SSBP1: variants seen among roughly 807,000 people sequenced by gnomAD.
SSBP1 encodes the protein single stranded DNA binding protein 1.
In SSBP1, 20 loss-of-function variants were observed where a neutral mutation model predicts 27.0. The observed-to-expected ratio is 0.74, with a 90% CI of 0.52 to 1.08. The LOEUF is 1.08. Ranked by LOEUF, SSBP1 falls within the 50% of genes least tolerant of loss-of-function variation. The pLI is 0.00. For synonymous variants in SSBP1, 59 were observed against 59.3 expected, an observed-to-expected ratio of 1.00 and a Z score of 0.02; for missense variants, 137 against 182.4, an observed-to-expected ratio of 0.75 and a Z score of 1.44.
intron 2 of SSBP1, chr7:141,741,374 G>A (rs1328619640): frequency 6.6e-6 from 1 of 152,232 alleles, no homozygotes; most frequent in African/African-American, 2.4e-5. Flanking sequence ...GTGCAGCCAG[G>A]TTCCTAACAG....
intron 2 of SSBP1, among the ~76,000 whole-genome samples, chr7:141,741,964 C>T (rs1338214372): frequency 6.6e-6 from 1 of 152,180 alleles, no homozygotes; most frequent in East Asian, 1.9e-4. Context: ...TTCCTTCTAC[C>T]TTTGGGCTTC....
chr7:141,743,737 C>T, intron 4 of SSBP1, 36 bp downstream of exon 4: 1 of 1,600,736 alleles, frequency 6.2e-7, no homozygotes, highest in Non-Finnish European at 8.5e-7. Flanking sequence ...ATTTTATCAG[C>T]AATAAATAGA....
chr7:141,750,162 G>T, intron 6 of SSBP1, 149 bp from the exon 7 acceptor site: 1 of 640,880 alleles, frequency 1.6e-6, no homozygotes, highest in South Asian at 1.9e-5. Context: ...TATACCTCTC[G>T]TGAGCATAGC....
rs757626917 is a variant in SSBP1 at position 141,743,989 on chromosome 7, G to A, written c.314G>A (p.Gly105Glu). Residue 105 changes from glycine to glutamate, a missense_variant and splice_region_variant, in exon 5 of 7, where the codon GGG becomes GAG. Gly to Glu is a moderately conservative substitution (Grantham distance 98). Around this residue, in one of 2 missense-constraint regions of SSBP1, gnomAD observed 95 missense variants for 152.0 expected, o/e 0.62. Transcript: ENST00000265304. ...RDVAYQYVKKGSRIYLEGKID... is the reference protein window; with the variant it reads ...RDVAYQYVKKESRIYLEGKID... ...GTGGCATATCAATATGTGAAAAAGG[G>A]GTAAGTTGAAGAGGGAAGGATCTTA... 6.2e-7 allele frequency: 1 copy of A among 1,611,572 alleles called. No homozygotes were observed. Among genetic ancestry groups the A allele is most frequent in the Non-Finnish European group, 8.5e-7 (1 of 1,179,350 alleles).
intron 6 of SSBP1, among the ~76,000 whole-genome samples, 199 bp from the exon 7 acceptor site, chr7:141,750,112 C>T (rs1037914792): frequency 6.6e-6 from 1 of 152,194 alleles, no homozygotes; most frequent in African/African-American, 2.4e-5. Flanking sequence ...CGAAAAGCAG[C>T]CAGTGCCTAA....
intron 6 of SSBP1, chr7:141,745,788 T>TA (rs370370359): frequency 6.1e-6 from 8 of 1,311,748 alleles, no homozygotes; most frequent in Non-Finnish European, 7.8e-6. Context: ...TTTTTATACT[T>TA]ACAGTTTTAG....
rs773376873 is a variant in SSBP1 at position 141,743,639 on chromosome 7, C to T, written c.164C>T (p.Thr55Ile). 1 of 1,614,134 alleles carries T rather than the reference C, an allele frequency of 6.2e-7. No homozygotes were observed. The highest frequency in any genetic ancestry group is 1.1e-5 in the South Asian group (1 of 91,080). Residue 55 changes from threonine (T) to isoleucine (I), a missense_variant, in exon 4 of 7, where the codon ACA (threonine) becomes ATA (isoleucine). Physicochemically the swap from Thr to Ile is moderately conservative, Grantham distance 89. This residue lies in a region of SSBP1 where 95 missense variants were observed against 152.0 expected (regional missense o/e 0.62). Transcript: ENST00000265304. ...LRQVEGKNPV[T>I]IFSLATNEMW... Reference sequence around the variant, plus strand: ...CAGGTGGAAGGAAAAAATCCAGTCACAATATTTTCTCTAGCAACTAATGAG... The same window carrying T: ...CAGGTGGAAGGAAAAAATCCAGTCATAATATTTTCTCTAGCAACTAATGAG...
chr7:141,745,474 C>T (rs1741723620), intron 5 of SSBP1, 22 bp from the exon 6 acceptor site: 1 of 1,572,994 alleles, frequency 6.4e-7, no homozygotes, highest in Admixed American at 1.8e-5. Context: ...CAACTAAAAA[C>T]TGTACATTTT....
At chr7:141,743,088 T>G (rs374678160) in intron 3 of SSBP1, among the ~76,000 whole-genome samples, 1 of 152,184 alleles carries the variant, frequency 6.6e-6, no homozygotes, top group Non-Finnish European at 1.5e-5. Flanking sequence ...CTCCTGACCT[T>G]GTGATCCGCC....
intron 1 of SSBP1, 22 bp from the exon 2 acceptor site, chr7:141,739,102 T>A: frequency 2.8e-6 from 4 of 1,453,916 alleles, no homozygotes; most frequent in South Asian, 1.3e-5. Context: ...TGTTTTTTTC[T>A]TATTTTGTTT....
chr7:141,742,066 C>A, intron 2 of SSBP1, 103 bp from the exon 3 acceptor site: 1 of 851,186 alleles, frequency 1.2e-6, no homozygotes. Flanking sequence ...CTGGAATTTT[C>A]AGGAACTACT....
intron 2 of SSBP1, 68 bp from the exon 3 acceptor site, chr7:141,742,101 T>A: frequency 8.5e-7 from 1 of 1,179,360 alleles, no homozygotes; most frequent in Non-Finnish European, 1.3e-6. Flanking sequence ...TGAACGTGAG[T>A]AATTCTTCTG....
chr7:141,743,009 C>A (rs1799608928), intron 3 of SSBP1, among the ~76,000 whole-genome samples: 1 of 152,230 alleles, frequency 6.6e-6, no homozygotes, highest in African/African-American at 2.4e-5. Context: ...CGCCCGCCAC[C>A]ACGCCCAGCT....
intron 3 of SSBP1, 59 bp from the exon 4 acceptor site, chr7:141,743,502 G>A: frequency 4.4e-6 from 7 of 1,581,516 alleles, no homozygotes; most frequent in Non-Finnish European, 5.2e-6. Context: ...TTGGGGGAAG[G>A]GGCACAACTA....
chr7:141,747,383 A>ATTTTTTTTTTTTTTTTTTTTTTTTTTTT, intron 6 of SSBP1, among the ~76,000 whole-genome samples: 1 of 94,466 alleles, frequency 1.1e-5, no homozygotes, highest in Non-Finnish European at 2.0e-5. Flanking sequence ...CCCAAATTAG[A>ATTTTTTTTTTTTTTTTTTTTTTTTTTTT]TTTTTTTTTT....
At chr7:141,741,820 A>G (rs1799545000) in intron 2 of SSBP1, 2 of 1,013,252 alleles carry the variant, frequency 2.0e-6, no homozygotes, top group Non-Finnish European at 2.4e-6. Flanking sequence ...AAATATTATC[A>G]TACTCTGTAA....
intron 6 of SSBP1, among the ~76,000 whole-genome samples, chr7:141,747,002 A>G (rs1233225856): frequency 2.0e-5 from 3 of 152,124 alleles, no homozygotes; most frequent in Non-Finnish European, 4.4e-5. Context: ...TTAATAGTAT[A>G]TGGTATAGTT....
chr7:141,747,568 G>A (rs62486740), intron 6 of SSBP1, among the ~76,000 whole-genome samples: 68,623 of 150,750 alleles, frequency 0.46, 16,255 homozygotes, highest in East Asian at 0.75. Context: ...TTTTGTATTT[G>A]TAGTAGAGAT....
rs577364650 is a variant in SSBP1 at position 141,750,138 on chromosome 7, A to G, written c.404-173A>G. 1.4e-3 allele frequency among the ~76,000 whole-genome samples: 210 copies of G among 152,344 alleles called. 2 individuals carry two copies. Among genetic ancestry groups the G allele is most frequent in the Non-Finnish European group, 2.5e-3 (167 of 68,038 alleles). On this transcript the variant is annotated intron_variant, in intron 6 of 6. Coordinates refer to ENST00000265304, the MANE Select transcript of SSBP1 (RefSeq NM_003143.3). Reference sequence around the variant, plus strand: ...CAGTGCCTAACTTGTAGCTCCACTTATGCCAACTGTATATATACCTCTCGT... The same window carrying G: ...CAGTGCCTAACTTGTAGCTCCACTTGTGCCAACTGTATATATACCTCTCGT...
Sources: allele counts gnomAD v4.1 joint callset (sites outside exome capture counted in the v4.1 genomes callset), GRCh38; gene constraint gnomAD v4.1.1; regional missense constraint gnomAD v4.1.1; transcripts MANE v1.5; gene names NCBI Gene and HGNC (gene_info 2026-07-23, HGNC 2026-07-21).